Variants in AMN1 observed in about 807,000 individuals in gnomAD.
AMN1 encodes protein AMN1 homolog.
AMN1 carries 20 observed loss-of-function variants against 33.0 expected under a neutral mutation model. The ratio of observed to expected loss-of-function variants is 0.61; its 90% CI spans 0.43 to 0.88. The LOEUF (loss-of-function observed/expected upper bound fraction) is 0.88. Ranked by LOEUF, AMN1 falls within the 40% of genes least tolerant of loss-of-function variation. AMN1 has a pLI of 0.00. For synonymous variants in AMN1, 114 were observed against 111.9 expected (o/e 1.02, Z -0.12); for missense variants, 246 against 307.4 (o/e 0.80, Z 1.49).
At chr12:31,716,298 TATGA>T (rs1360394023) in intron 1 of AMN1, among the ~76,000 whole-genome samples, 2 of 152,228 alleles carry the variant, frequency 1.3e-5, no homozygotes, top group African/African-American at 4.8e-5. Flanking sequence ...TCTTTATTAT[TATGA>T]ATATCAATAT....
intron 6 of AMN1, among the ~76,000 whole-genome samples, chr12:31,675,802 C>T (rs1937670179): frequency 6.6e-6 from 1 of 151,696 alleles, no homozygotes; most frequent in South Asian, 2.1e-4. Context: ...CCACCGTTAC[C>T]CGCCAGGATG....
intron 1 of AMN1, among the ~76,000 whole-genome samples, chr12:31,725,878 T>A (rs1331666317): frequency 2.0e-5 from 3 of 152,056 alleles, no homozygotes; most frequent in Non-Finnish European, 2.9e-5. Flanking sequence ...TTTGTATTTT[T>A]GGTAGAGACA....
chr12:31,718,189 T>C (rs1398136550), intron 1 of AMN1, among the ~76,000 whole-genome samples: 2 of 151,880 alleles, frequency 1.3e-5, no homozygotes, highest in Non-Finnish European at 2.9e-5. Context: ...CTATTCTTTC[T>C]TCTGCTTGAT....
chr12:31,717,516 T>C (rs184166946), intron 1 of AMN1, among the ~76,000 whole-genome samples: 33 of 152,202 alleles, frequency 2.2e-4, no homozygotes, highest in Non-Finnish European at 4.6e-4. Context: ...ATAAACACAT[T>C]CGTTATGAAG....
At chr12:31,713,326 ATTC>A (rs1303620954) in intron 1 of AMN1, among the ~76,000 whole-genome samples, 5 of 152,162 alleles carry the variant, frequency 3.3e-5, no homozygotes, top group African/African-American at 1.2e-4. Flanking sequence ...ATTCTACTAT[ATTC>A]TTATTTTTCT....
chr12:31,704,496 C>CTTTTTTTTTTTTTTTTTTTT (rs11319937), intron 2 of AMN1, among the ~76,000 whole-genome samples: 1 of 144,118 alleles, frequency 6.9e-6, no homozygotes, highest in Non-Finnish European at 1.5e-5. Flanking sequence ...GACTTTGTTT[C>CTTTTTTTTTTTTTTTTTTTT]TTTTTTTTTT....
rs538787017 is a variant in AMN1, at chr12:31,721,433, C to T, written c.38+7538G>A. ...GCCAACCTCCCTGCCACTCTGCATT[C>T]CCCACACTTCCAGCTGGTGAACAGC... On this transcript the variant is annotated intron_variant, in intron 1 of 6. Transcript: ENST00000281471. Among the ~76,000 whole-genome samples the T allele has an allele frequency of 5.3e-5, 8 of 152,274 alleles. No homozygotes were observed. The South Asian group carries it at 1.7e-3, about 32-fold the overall frequency.
intron 5 of AMN1, among the ~76,000 whole-genome samples, chr12:31,694,718 C>G (rs1938649070): frequency 6.6e-6 from 1 of 152,136 alleles, no homozygotes; most frequent in Non-Finnish European, 1.5e-5. Context: ...TGTACTCCAC[C>G]CTGGGTGACA....
intron 2 of AMN1, among the ~76,000 whole-genome samples, chr12:31,705,535 G>C (rs1565775970): frequency 1.3e-5 from 2 of 151,872 alleles, no homozygotes. Context: ...AAAAACATAT[G>C]CTGGAGTGCT....
chr12:31,721,854 G>A (rs1378620881), intron 1 of AMN1, among the ~76,000 whole-genome samples: 2 of 152,166 alleles, frequency 1.3e-5, no homozygotes, highest in African/African-American at 4.8e-5. Context: ...GGAATAGACT[G>A]CAATGATGCT....
chr12:31,714,860 G>C (rs1195852401), intron 1 of AMN1: 1 of 950,078 alleles, frequency 1.1e-6, no homozygotes, highest in African/African-American at 1.8e-5. Flanking sequence ...TATAAACTAG[G>C]AGGATCTTTT....
At chr12:31,711,220 A>G (rs1274389557) in intron 1 of AMN1, among the ~76,000 whole-genome samples, 1 of 151,406 alleles carries the variant, frequency 6.6e-6, no homozygotes, top group Non-Finnish European at 1.5e-5. Flanking sequence ...TATTCTTTCC[A>G]TTTCTTTGTT....
At chr12:31,715,513 C>G (rs577581760) in intron 1 of AMN1, 6 of 174,852 alleles carry the variant, frequency 3.4e-5, no homozygotes, top group African/African-American at 1.2e-4. Context: ...TTCACTGAAG[C>G]TGTTCTTTTA....
chr12:31,697,536 T>A (rs1416050497), intron 4 of AMN1, 119 bp from the exon 5 acceptor site: 1 of 1,121,424 alleles, frequency 8.9e-7, no homozygotes, highest in Non-Finnish European at 1.3e-6. Context: ...AACATGTGTT[T>A]TAGCCATATA....
At chr12:31,679,812 T>TA (rs563607228) in intron 6 of AMN1, among the ~76,000 whole-genome samples, 62 of 152,234 alleles carry the variant, frequency 4.1e-4, no homozygotes, top group Admixed American at 3.5e-3. Context: ...ATTGAAGACC[T>TA]AATTGAATTA....
rs865978838 is a variant in AMN1, at chr12:31,723,641, T to C, written c.38+5330A>G. ...AGGTTGCTCAACAATGAGCCGATAGTCAAGGTATTCAACAGATGTTTCACA... is the reference window on the plus strand; with the variant it reads ...AGGTTGCTCAACAATGAGCCGATAGCCAAGGTATTCAACAGATGTTTCACA... On this transcript the variant is annotated intron_variant, in intron 1 of 6. Transcript: ENST00000281471. Among the ~76,000 whole-genome samples, 10 of 152,270 alleles carry C rather than the reference T, an allele frequency of 6.6e-5. 1 individual carries two copies. The highest frequency in any genetic ancestry group is 2.2e-4 in the African/African-American group (9 of 41,538).
In AMN1 at chr12:31,702,656, TATA is replaced by T. The variant is rs1396205354; in HGVS notation, c.172-652_172-650del. On this transcript the variant is annotated intron_variant, in intron 2 of 6. Transcript: ENST00000281471. ...AAACACTCAGACAATTTAGAAAAAT[TATA>T]ATAAGTTATAAGAATAATGATTTCT... Among the ~76,000 whole-genome samples, 28 of 152,278 alleles carry T rather than the reference TATA, an allele frequency of 1.8e-4. No individual in the cohort carries two copies. In the South Asian group the frequency reaches 4.6e-3, roughly 25 times the overall value.
At chr12:31,697,266 T>C in intron 5 of AMN1, 95 bp downstream of exon 5, 1 of 1,043,394 alleles carries the variant, frequency 9.6e-7, no homozygotes, top group African/African-American at 1.6e-5. Context: ...AAATACGTAA[T>C]TGATAAAGCA....
chr12:31,689,590 A>G (rs1367852068), intron 5 of AMN1, among the ~76,000 whole-genome samples: 1 of 152,200 alleles, frequency 6.6e-6, no homozygotes, highest in Non-Finnish European at 1.5e-5. Context: ...GTATGGTAGT[A>G]TCTTATAAAG....
Sources: allele counts gnomAD v4.1 joint callset (sites outside exome capture counted in the v4.1 genomes callset), GRCh38; gene constraint gnomAD v4.1.1; transcripts MANE v1.5; gene names NCBI Gene and HGNC (gene_info 2026-07-23, HGNC 2026-07-21).